The following FRMPD2 variants were observed in gnomAD, a reference collection of about 807,000 sequenced individuals.
FRMPD2 encodes FERM and PDZ domain-containing protein 2.
In FRMPD2, 96 loss-of-function variants were observed where a neutral mutation model predicts 140.1. The ratio of observed to expected loss-of-function variants is 0.69; its 90% confidence interval spans 0.58 to 0.81. The LOEUF (loss-of-function observed/expected upper bound fraction) is 0.81, where lower values mean the gene tolerates loss of function less well. FRMPD2 is among the 40% of genes least tolerant of loss of function. FRMPD2 has a pLI of 0.00. For missense variants in FRMPD2, 1,240 were observed against 1,447.4 expected (o/e 0.86, Z 2.32); for synonymous variants, 449 against 547.6 (o/e 0.82, Z 2.52).
At chr10:48,198,120 A>G (rs1025570749) in intron 15 of FRMPD2, among the ~76,000 whole-genome samples, 1 of 152,240 alleles carries the variant, frequency 6.6e-6, no homozygotes, top group Non-Finnish European at 1.5e-5. Context: ...TGTGTGCCCC[A>G]TTTTAACCAA....
At chr10:48,252,846 C>T (rs1255344780) in intron 1 of FRMPD2, among the ~76,000 whole-genome samples, 1 of 150,690 alleles carries the variant, frequency 6.6e-6, no homozygotes, top group Non-Finnish European at 1.5e-5. Flanking sequence ...TCCAGGCCCT[C>T]TCTCTTTTTC....
intron 16 of FRMPD2, among the ~76,000 whole-genome samples, chr10:48,189,189 G>A (rs1367023): frequency 0.21 from 32,567 of 152,162 alleles, 3,846 homozygotes; most frequent in Non-Finnish European, 0.26. Context: ...GATATACCAG[G>A]CACATTGCTG....
At chr10:48,211,930 C>T (rs1839331495) in intron 13 of FRMPD2, 24 bp downstream of exon 13, 2 of 1,608,054 alleles carry the variant, frequency 1.2e-6, no homozygotes, top group Non-Finnish European at 1.7e-6. Flanking sequence ...ACCAACACCT[C>T]TCTCCAGGTC....
intron 13 of FRMPD2, among the ~76,000 whole-genome samples, chr10:48,207,285 C>A (rs900548548): frequency 1.3e-5 from 2 of 152,066 alleles, no homozygotes; most frequent in African/African-American, 4.8e-5. Flanking sequence ...TCTGGGACAT[C>A]TCAAGGTAAG....
chr10:48,248,376 C>T (rs190666506), intron 3 of FRMPD2, among the ~76,000 whole-genome samples: 2 of 152,162 alleles, frequency 1.3e-5, no homozygotes, highest in African/African-American at 4.8e-5. Flanking sequence ...AAACAATCAC[C>T]GCAGACACTT....
intron 2 of FRMPD2, among the ~76,000 whole-genome samples, chr10:48,250,461 C>T (rs1376037931): frequency 5.3e-5 from 8 of 152,286 alleles, no homozygotes; most frequent in East Asian, 1.9e-4. Context: ...AGTGCAATAG[C>T]GCGATCTCAG....
rs1483689824 is a variant in FRMPD2 at position 48,274,690 on chromosome 10, G to A, written c.-123C>T. The A allele has an allele frequency of 2.4e-5, 21 of 872,192 alleles. No homozygotes were observed. The Admixed American group carries it at 4.4e-4, about 18-fold the overall frequency. 54.0% of individuals were successfully genotyped at this position (872,192 alleles called of 1,614,324 possible). Reference sequence around the variant, plus strand: ...CACCAGCACTGTTGCCGCTGTCTTTGTTTACTGCTTGTCACTAAGCACTTG... The same window carrying A: ...CACCAGCACTGTTGCCGCTGTCTTTATTTACTGCTTGTCACTAAGCACTTG... On this transcript the variant is annotated 5_prime_UTR_variant, in exon 1 of 29. Transcript: ENST00000374201.
chr10:48,163,819 C>T lies in FRMPD2; in HGVS notation c.3538-148G>A. 5 of 699,904 alleles carry T rather than the reference C, an allele frequency of 7.1e-6. 1 individual carries two copies. Among genetic ancestry groups the T allele is most frequent in the Non-Finnish European group, 1.3e-5 (5 of 390,252 alleles). 43.4% of individuals were successfully genotyped at this position (699,904 alleles called of 1,614,324 possible). A position where few individuals can be genotyped will look rare whatever the true frequency, so the allele number is the denominator to read the frequency against. ...GTCTATCACCATAGCATCCCAGCTC[C>T]TCCACATGCTCCCGGCTGGACACTG... On this transcript the variant is annotated intron_variant, in intron 27 of 28. Coordinates refer to ENST00000374201, the MANE Select transcript of FRMPD2 (RefSeq NM_001018071.4).
intron 12 of FRMPD2, 35 bp downstream of exon 12, chr10:48,222,278 G>T: frequency 6.2e-7 from 1 of 1,600,120 alleles, no homozygotes; most frequent in South Asian, 1.1e-5. Context: ...TTTTTCCAGT[G>T]ACCCCACACA....
chr10:48,191,290 G>A (rs558001739), intron 16 of FRMPD2, among the ~76,000 whole-genome samples: 41 of 152,234 alleles, frequency 2.7e-4, no homozygotes, highest in African/African-American at 5.3e-4. Context: ...GTCGTCTTGC[G>A]TCCTCTAGAC....
chr10:48,266,345 C>T lies in FRMPD2; in HGVS notation c.25+8198G>A, dbSNP rs1564444531. ...CGAGATTTCCCATATAACAAGCCTG[C>T]ACATGTACCCCTGTACCTAAAATAA... On this transcript the variant is annotated intron_variant, in intron 1 of 28. Coordinates refer to ENST00000374201, the MANE Select transcript of FRMPD2 (RefSeq NM_001018071.4). 2.6e-5 allele frequency among the ~76,000 whole-genome samples: 4 copies of T among 152,214 alleles called. No homozygotes were observed. In the South Asian group the frequency reaches 6.2e-4, roughly 24 times the overall value.
chr10:48,229,283 T>C (rs1246463640), intron 10 of FRMPD2, among the ~76,000 whole-genome samples: 1 of 152,148 alleles, frequency 6.6e-6, no homozygotes, highest in Non-Finnish European at 1.5e-5. Context: ...CCATTATGTA[T>C]TTGCCTTTTG....
chr10:48,229,631 A>C (rs1323013152), intron 10 of FRMPD2, among the ~76,000 whole-genome samples: 1 of 152,132 alleles, frequency 6.6e-6, no homozygotes, highest in Non-Finnish European at 1.5e-5. Context: ...ATGTTCCTAA[A>C]ATTGTACAAA....
At chr10:48,219,011 C>T (rs577887857) in intron 12 of FRMPD2, among the ~76,000 whole-genome samples, 8 of 152,166 alleles carry the variant, frequency 5.3e-5, no homozygotes, top group South Asian at 4.2e-4. Context: ...TGGGAGGATG[C>T]GAAAAAGTAT....
At chr10:48,159,149 C>T (rs782727935) in intron 28 of FRMPD2, 3 of 456,182 alleles carry the variant, frequency 6.6e-6, no homozygotes, top group African/African-American at 4.0e-5. Flanking sequence ...ATATTGAGGT[C>T]TCCATTAGCC....
chr10:48,230,829 G>C (rs1171367481), intron 10 of FRMPD2, among the ~76,000 whole-genome samples: 5 of 152,118 alleles, frequency 3.3e-5, no homozygotes, highest in Admixed American at 3.3e-4. Flanking sequence ...ATAAACTGAA[G>C]CTGAACAACA....
At chr10:48,227,101 A>C (rs1839740750) in intron 10 of FRMPD2, among the ~76,000 whole-genome samples, 1 of 152,246 alleles carries the variant, frequency 6.6e-6, no homozygotes, top group Non-Finnish European at 1.5e-5. Flanking sequence ...TAAGAGAAGA[A>C]GGTAAAAATT....
At chr10:48,218,540 C>T (rs578015579) in intron 12 of FRMPD2, among the ~76,000 whole-genome samples, 33 of 152,228 alleles carry the variant, frequency 2.2e-4, no homozygotes, top group South Asian at 1.2e-3. Flanking sequence ...CTAGGGTGAC[C>T]ATGGGGTTAG....
At chr10:48,177,416 T>A (rs1407052877) in intron 22 of FRMPD2, 5 of 151,560 alleles carry the variant, frequency 3.3e-5, no homozygotes, top group Non-Finnish European at 7.4e-5. Context: ...CAGCCTGTAA[T>A]GGATCACTTT....
Sources: gnomAD v4.1 joint callset for allele counts (sites outside exome capture counted in the v4.1 genomes callset) on GRCh38, gnomAD v4.1.1 for gene constraint, MANE v1.5 for transcripts, NCBI Gene and HGNC (gene_info 2026-07-23, HGNC 2026-07-21) for gene names.